PDE9A: variants seen among roughly 807,000 people sequenced by gnomAD.
The protein encoded by PDE9A is high affinity cGMP-specific 3',5'-cyclic phosphodiesterase 9A.
PDE9A carries 60 observed loss-of-function variants against 87.4 expected under a neutral mutation model. That is an observed-to-expected ratio of 0.69 (90% confidence interval 0.56 to 0.85). The LOEUF (loss-of-function observed/expected upper bound fraction) is 0.85, where lower values mean the gene tolerates loss of function less well. Ranked by LOEUF, PDE9A falls within the 40% of genes least tolerant of loss-of-function variation. The pLI, the probability that PDE9A is intolerant of heterozygous loss-of-function variation, is 0.00. For missense variants in PDE9A, 665 were observed against 779.0 expected, an observed-to-expected ratio of 0.85 and a Z score of 1.74; for synonymous variants, 272 against 279.4, an observed-to-expected ratio of 0.97 and a Z score of 0.27.
intron 7 of PDE9A, among the ~76,000 whole-genome samples, chr21:42,735,302 G>T (rs1338420386): frequency 6.6e-6 from 1 of 152,208 alleles, no homozygotes; most frequent in Non-Finnish European, 1.5e-5. Context: ...CATGTCACTG[G>T]CTACAGGTTC....
At chr21:42,746,950 C>G (rs529091052) in intron 8 of PDE9A, among the ~76,000 whole-genome samples, 2 of 152,200 alleles carry the variant, frequency 1.3e-5, no homozygotes, top group African/African-American at 4.8e-5. Context: ...TGGCAGCCTC[C>G]CCTGTAGGTG....
In PDE9A at chr21:42,760,056, A is replaced by T. The variant is rs901517300; in HGVS notation, c.898-272A>T. ...TGTGGCTCCTCAGACACCTCCGGGG[A>T]GACCCCAGTCCTTGACTGCAGGGTG... On this transcript the variant is annotated intron_variant, in intron 11 of 19. Coordinates refer to ENST00000291539, the MANE Select transcript of PDE9A (RefSeq NM_002606.3). This position sits in a 1 kb window ranked among gnomAD's most constrained non-coding sequence, Gnocchi z 5.2. Among the ~76,000 whole-genome samples the T allele has an allele frequency of 6.6e-6, 1 of 151,694 alleles. No individual in the cohort carries two copies. The highest frequency in any genetic ancestry group is 2.4e-5 in the African/African-American group (1 of 41,220).
In PDE9A at chr21:42,759,078, G is replaced by A; in HGVS notation, c.890G>A (p.Arg297Lys). The change falls in exon 11 of 20, where the codon AGG becomes AAG. Residue 297 changes from arginine (R) to lysine (K), a missense_variant. Coordinates refer to ENST00000291539, the MANE Select transcript of PDE9A (RefSeq NM_002606.3). This position sits in a 1 kb window ranked among gnomAD's most constrained non-coding sequence, Gnocchi z 7.2. The part of the protein sequence containing the change: ...DFSINPVTLR[R>K]WLFCVHDNYR... ...AGCATCAACCCTGTCACCCTCAGGAGGTGGCTGGTGAGTGCCAAACCCGCC... is the reference window on the plus strand; with the variant it reads ...AGCATCAACCCTGTCACCCTCAGGAAGTGGCTGGTGAGTGCCAAACCCGCC... 1 of 1,613,134 alleles carries A rather than the reference G, an allele frequency of 6.2e-7. No individual in the cohort carries two copies. The highest frequency in any genetic ancestry group is 8.5e-7 in the Non-Finnish European group (1 of 1,179,104).
chr21:42,706,566 A>G (rs1602171325), intron 4 of PDE9A, among the ~76,000 whole-genome samples: 1 of 151,562 alleles, frequency 6.6e-6, no homozygotes. Context: ...AATCGCTTGA[A>G]CCTGGGGGTA....
intron 7 of PDE9A, 34 bp from the exon 8 acceptor site, chr21:42,743,742 G>A (rs1416709248): frequency 5.3e-5 from 73 of 1,382,150 alleles, no homozygotes; most frequent in Non-Finnish European, 6.8e-5. Context: ...TTCGTCCGTG[G>A]TAACCCCCTT....
At chr21:42,761,020 T>C (rs2055704866) in intron 13 of PDE9A, 113 bp downstream of exon 13, 1 of 732,828 alleles carries the variant, frequency 1.4e-6, no homozygotes, top group Non-Finnish European at 2.5e-6. Flanking sequence ...AACGACGGCC[T>C]CCCAGCCCCC....
chr21:42,661,250 C>G (rs1019067917), intron 1 of PDE9A, among the ~76,000 whole-genome samples: 1 of 151,766 alleles, frequency 6.6e-6, no homozygotes, highest in Non-Finnish European at 1.5e-5. Flanking sequence ...AGGCTGGTCT[C>G]GAACTCCTGA....
chr21:42,653,654 C>CTCCCGGGCG lies in PDE9A; in HGVS notation c.-152_-144dup, dbSNP rs923224207. ...GAGACCCTGCGGCGCGCGGCGGCGG[C>CTCCCGGGCG]TCCCGGGCGTCCCGGGCCCGGTGGC... On this transcript the variant is annotated 5_prime_UTR_variant, in exon 1 of 20. Transcript: ENST00000291539. 1 of 168,770 alleles carries CTCCCGGGCG rather than the reference C, an allele frequency of 5.9e-6. No homozygotes were observed. The highest frequency in any genetic ancestry group is 2.5e-5 in the African/African-American group (1 of 40,072). 10.5% of individuals were successfully genotyped at this position (168,770 alleles called of 1,614,324 possible).
chr21:42,694,130 T>C lies in PDE9A; in HGVS notation c.219-4838T>C, dbSNP rs1290345442. Among the ~76,000 whole-genome samples the C allele has an allele frequency of 6.6e-6, 1 of 152,174 alleles. No homozygotes were observed. The highest frequency in any genetic ancestry group is 1.5e-5 in the Non-Finnish European group (1 of 68,026). On this transcript the variant is annotated intron_variant, in intron 3 of 19. Coordinates refer to ENST00000291539, the MANE Select transcript of PDE9A (RefSeq NM_002606.3). This position sits in a 1 kb window ranked among gnomAD's most constrained non-coding sequence, Gnocchi z 5.3. ...CCTTGCTGAAACATGCTGGGTAAAC[T>C]CTTTGTTTCTTCCTAGCAGACAGCA...
chr21:42,686,143 G>A (rs1339360907), intron 1 of PDE9A, 49 bp from the exon 2 acceptor site: 3 of 1,459,166 alleles, frequency 2.1e-6, no homozygotes. Flanking sequence ...GACGTCTCCA[G>A]GGAGACCCGC....
chr21:42,661,987 C>T (rs1310707208), intron 1 of PDE9A, among the ~76,000 whole-genome samples: 2 of 152,172 alleles, frequency 1.3e-5, no homozygotes, highest in East Asian at 1.9e-4. Flanking sequence ...CGCTTGAGCC[C>T]AGCAGCTGTG....
chr21:42,769,576 ATG>A (rs2056792762), intron 17 of PDE9A, among the ~76,000 whole-genome samples: 1 of 108,324 alleles, frequency 9.2e-6, no homozygotes, highest in Non-Finnish European at 1.9e-5. Context: ...ACACACACAC[ATG>A]CACACAGGTA....
In PDE9A at chr21:42,769,057, G is replaced by A. The variant is rs756977603; in HGVS notation, c.1492G>A (p.Val498Met). The change falls in exon 17 of 20, where the codon GTG becomes ATG. Residue 498 changes from valine (V) to methionine (M), a missense_variant. By Grantham distance (21) the Val-to-Met change is conservative. Transcript: ENST00000291539. ...CCGTGAGAAGTCAGAAGGCCTTCCT[G>A]TGGCACCGTTCATGGACCGAGACAA... ...SDREKSEGLP[V>M]APFMDRDKVT... The A allele has an allele frequency of 1.9e-6, 3 of 1,613,564 alleles. No individual in the cohort carries two copies. Among genetic ancestry groups the A allele is most frequent in the Non-Finnish European group, 2.5e-6 (3 of 1,179,570 alleles).
chr21:42,760,783 G>A lies in PDE9A; in HGVS notation c.1003-42G>A, dbSNP rs758202629. ...CCCCCCTCACCCCATCCCACCCTCC[G>A]AGTGAAGAGAGCAAACACCTACGCC... On this transcript the variant is annotated intron_variant, in intron 12 of 19. Transcript: ENST00000291539. This position sits in a 1 kb window ranked among gnomAD's most constrained non-coding sequence, Gnocchi z 5.2. 1.3e-5 allele frequency: 13 copies of A among 971,302 alleles called. No homozygotes were observed. The highest frequency in any genetic ancestry group is 6.5e-5 in the African/African-American group (4 of 61,862). 60.2% of individuals were successfully genotyped at this position (971,302 alleles called of 1,614,324 possible).
intron 1 of PDE9A, among the ~76,000 whole-genome samples, chr21:42,657,240 G>T (rs1169815494): frequency 1.3e-5 from 2 of 152,216 alleles, no homozygotes; most frequent in African/African-American, 4.8e-5. Flanking sequence ...CATCTGCACC[G>T]GCCTGTTCCC....
chr21:42,686,523 T>C (rs895479168), intron 2 of PDE9A, among the ~76,000 whole-genome samples: 4 of 152,138 alleles, frequency 2.6e-5, no homozygotes, highest in Non-Finnish European at 5.9e-5. Flanking sequence ...CCTAAGAGTG[T>C]GGGTTTTTCT....
At chr21:42,708,401 A>G (rs1269717553) in intron 4 of PDE9A, among the ~76,000 whole-genome samples, 1 of 152,158 alleles carries the variant, frequency 6.6e-6, no homozygotes, top group Non-Finnish European at 1.5e-5. Context: ...ACATTGCTGC[A>G]CGGACCTCAA....
At position 42,703,198 on chromosome 21, in the gene PDE9A, G is replaced by A. The variant is rs930055750; in HGVS notation, c.262+4187G>A. Among the ~76,000 whole-genome samples the A allele has an allele frequency of 3.9e-5, 6 of 152,236 alleles. No individual in the cohort carries two copies. The East Asian group carries it at 5.8e-4, about 15-fold the overall frequency. On this transcript the variant is annotated intron_variant, in intron 4 of 19. Coordinates refer to ENST00000291539, the MANE Select transcript of PDE9A (RefSeq NM_002606.3). ...CACGGCCCAGGGAGGGGGTTGCTGCGGGTGGGCTTGGTCTGCTCATCAGAC... is the reference window on the plus strand; with the variant it reads ...CACGGCCCAGGGAGGGGGTTGCTGCAGGTGGGCTTGGTCTGCTCATCAGAC...
chr21:42,714,113 G>A (rs1437570523), intron 4 of PDE9A, among the ~76,000 whole-genome samples: 1 of 147,510 alleles, frequency 6.8e-6, no homozygotes, highest in African/African-American at 2.5e-5. Context: ...CCACCTCCCG[G>A]GTTCACGCCA....
Sources: gnomAD v4.1 joint callset for allele counts (sites outside exome capture counted in the v4.1 genomes callset) on GRCh38, gnomAD v4.1.1 for gene constraint, Gnocchi (gnomAD v3.1) non-coding constraint, MANE v1.5 for transcripts, NCBI Gene and HGNC (gene_info 2026-07-23, HGNC 2026-07-21) for gene names.